PCID2: variants seen among roughly 807,000 people sequenced by gnomAD.
PCID2 encodes the protein PCI domain-containing protein 2.
A neutral mutation model predicts 61.3 loss-of-function variants in PCID2; 41 were observed. That is an observed-to-expected ratio of 0.67 (90% CI 0.52 to 0.87). The LOEUF (loss-of-function observed/expected upper bound fraction) is 0.87, where lower values mean the gene tolerates loss of function less well. Among genes scored for constraint, PCID2 ranks in the 40% least tolerant of loss-of-function variants. The pLI, the probability that PCID2 is intolerant of heterozygous loss-of-function variation, is 0.00. For missense variants in PCID2, 392 were observed against 493.4 expected (o/e 0.79, Z 1.95); for synonymous variants, 187 against 177.8 (o/e 1.05, Z -0.41).
intron 6 of PCID2, 121 bp from the exon 7 acceptor site, chr13:113,191,096 G>A (rs528707945): frequency 1.4e-5 from 8 of 554,640 alleles, no homozygotes; most frequent in Non-Finnish European, 2.2e-5. Context: ...GGGCTCCACT[G>A]ATCTTCCCAT....
chr13:113,199,248 G>T (rs947495859), intron 2 of PCID2, among the ~76,000 whole-genome samples: 1 of 152,160 alleles, frequency 6.6e-6, no homozygotes, highest in African/African-American at 2.4e-5. Context: ...ATGAGGGCTT[G>T]AATAGAACAA....
At chr13:113,171,478 C>A in the PCID2 span, 3 of 1,321,140 alleles carry the variant, frequency 2.3e-6, no homozygotes, top group Admixed American at 1.9e-5. The surrounding 1 kb of genome is among the most constrained non-coding windows in gnomAD (Gnocchi z 5.1). Context: ...GGTGAGCCTG[C>A]GGGTCCTCCA....
chr13:113,205,579 G>C (rs1291462878), intron 1 of PCID2, among the ~76,000 whole-genome samples: 1 of 152,172 alleles, frequency 6.6e-6, no homozygotes, highest in Admixed American at 6.5e-5. Context: ...CAGCCAAAAA[G>C]AGGAAACAAC....
chr13:113,190,881 G>A lies in PCID2; in HGVS notation c.458C>T (p.Ala153Val). ...TCAAGTCCTTACTCACGTGTCGCTGGCACAGACCCGGAAACAGCTCATCAG... is the reference window on the plus strand; with the variant it reads ...TCAAGTCCTTACTCACGTGTCGCTGACACAGACCCGGAAACAGCTCATCAG... ...ELLMSCFRVC[A>V]SDTRAGIEDS... Residue 153 changes from alanine (A) to valine (V), a missense_variant, in exon 7 of 14, where the codon GCC (alanine) becomes GTC (valine). Transcript: ENST00000337344. 1 of 1,608,892 alleles carries A rather than the reference G, an allele frequency of 6.2e-7. No homozygotes were observed. Among genetic ancestry groups the A allele is most frequent in the Non-Finnish European group, 8.5e-7 (1 of 1,176,436 alleles).
intron 2 of PCID2, among the ~76,000 whole-genome samples, chr13:113,198,555 A>ATT (rs1203360580): frequency 6.6e-6 from 1 of 152,188 alleles, no homozygotes; most frequent in Non-Finnish European, 1.5e-5. Context: ...AATTACAAAA[A>ATT]TTAGCTGGAT....
rs3751414 is a variant in PCID2, at chr13:113,200,511, G to A, written c.42C>T (p.Tyr14=). ...ITINQYLQQV[Y]EAIDSRDGAS... ...CTCCATCTCTGCTGTCGATGGCTTC[G>A]TACACCTGAAACATTTGAAAGGGAA... The change falls in exon 2 of 14, where the codon TAC becomes TAT. Residue 14 remains tyrosine (Y), a synonymous_variant. Transcript: ENST00000337344. The A allele has an allele frequency of 6.2e-5, 100 of 1,606,562 alleles. No individual in the cohort carries two copies. The East Asian group carries it at 1.9e-3, about 31-fold the overall frequency.
intron 9 of PCID2, chr13:113,183,866 C>T (rs1326157105): frequency 2.0e-6 from 2 of 985,282 alleles, no homozygotes; most frequent in Non-Finnish European, 1.2e-6. Context: ...TCTGTGGTAG[C>T]GACACACTGC....
intron 6 of PCID2, among the ~76,000 whole-genome samples, chr13:113,192,955 A>C (rs1310886521): frequency 2.0e-5 from 3 of 152,186 alleles, no homozygotes; most frequent in African/African-American, 7.2e-5. Flanking sequence ...ATGTGCAGAC[A>C]CAGCAAGATG....
At chr13:113,202,490 A>C (rs1463678236) in intron 1 of PCID2, among the ~76,000 whole-genome samples, 2 of 152,256 alleles carry the variant, frequency 1.3e-5, no homozygotes, top group Non-Finnish European at 2.9e-5. Context: ...CCATAGAGAC[A>C]GGCTGAATAC....
intron 1 of PCID2, chr13:113,208,293 C>A (rs957560985): frequency 2.5e-5 from 36 of 1,431,818 alleles, no homozygotes; most frequent in Non-Finnish European, 3.0e-5. Flanking sequence ...CGCCTGGGAG[C>A]GCGGCCACAC....
At chr13:113,182,857 T>C (rs1162033663) in intron 9 of PCID2, among the ~76,000 whole-genome samples, 1 of 152,184 alleles carries the variant, frequency 6.6e-6, no homozygotes, top group African/African-American at 2.4e-5. Flanking sequence ...ACCTAAGTCA[T>C]TTTGCATCAA....
intron 1 of PCID2, 162 bp downstream of exon 1, chr13:113,208,437 G>A: frequency 1.0e-5 from 15 of 1,506,128 alleles, no homozygotes; most frequent in Non-Finnish European, 1.3e-5. Context: ...CCCGAGTCCC[G>A]GCCGCCGCTG....
chr13:113,172,277 G>A, the PCID2 span: 13 of 825,544 alleles, frequency 1.6e-5, no homozygotes, highest in African/African-American at 3.4e-5. Context: ...GTTGTTTACC[G>A]AGCACTGTGA....
rs1246772944 is a variant in PCID2, at chr13:113,179,426, A to G, written c.987-337T>C. Among the ~76,000 whole-genome samples, 1 of 152,058 alleles carries G rather than the reference A, an allele frequency of 6.6e-6. No homozygotes were observed. Among genetic ancestry groups the G allele is most frequent in the East Asian group, 1.9e-4 (1 of 5,192 alleles). ...CGAAATAGGGTCCCTACTGTTTGTGACGTGCTACCCACAGCTCTATACAAA... is the reference window on the plus strand; with the variant it reads ...CGAAATAGGGTCCCTACTGTTTGTGGCGTGCTACCCACAGCTCTATACAAA... On this transcript the variant is annotated intron_variant, in intron 12 of 13. Coordinates refer to ENST00000337344, the MANE Select transcript of PCID2 (RefSeq NM_001127202.4). The surrounding 1 kb of genome is among the most constrained non-coding windows in gnomAD (Gnocchi z 4.3).
intron 9 of PCID2, chr13:113,183,757 A>C (rs931884607): frequency 9.2e-5 from 91 of 984,684 alleles, no homozygotes; most frequent in African/African-American, 7.9e-4. Flanking sequence ...TACAAAAAGA[A>C]GACTAGTTTC....
intron 9 of PCID2, 141 bp downstream of exon 9, chr13:113,184,205 A>G: frequency 2.3e-6 from 2 of 884,582 alleles, no homozygotes; most frequent in Admixed American, 2.5e-5. Flanking sequence ...AATCAGCTTT[A>G]GTGTCAAATA....
intron 1 of PCID2, among the ~76,000 whole-genome samples, chr13:113,206,245 A>T (rs754633537): frequency 5.9e-5 from 9 of 152,250 alleles, no homozygotes; most frequent in Admixed American, 1.3e-4. Flanking sequence ...GGAGAGTCAC[A>T]GAAGTTAGAT....
At chr13:113,171,545 C>A in the PCID2 span, 3 of 1,612,194 alleles carry the variant, frequency 1.9e-6, no homozygotes, top group Non-Finnish European at 2.5e-6. The surrounding 1 kb of genome is among the most constrained non-coding windows in gnomAD (Gnocchi z 5.1). Context: ...AGCATTATGT[C>A]CCCTTGAAAA....
At chr13:113,167,782 T>A in the PCID2 span, among the ~76,000 whole-genome samples, 3 of 152,250 alleles carry the variant, frequency 2.0e-5, no homozygotes, top group African/African-American at 7.2e-5. Flanking sequence ...CATTTTACAT[T>A]TATTGTAATT....
Sources: gnomAD v4.1 joint callset for allele counts (sites outside exome capture counted in the v4.1 genomes callset) on GRCh38, gnomAD v4.1.1 for gene constraint, Gnocchi (gnomAD v3.1) non-coding constraint, MANE v1.5 for transcripts, NCBI Gene and HGNC (gene_info 2026-07-23, HGNC 2026-07-21) for gene names.